Variants in GPCPD1 observed in about 807,000 individuals in gnomAD.
GPCPD1 encodes glycerophosphocholine phosphodiesterase 1.
A neutral mutation model predicts 89.2 loss-of-function variants in GPCPD1; 29 were observed. That is an observed-to-expected ratio of 0.33 (90% CI 0.24 to 0.44). The LOEUF is 0.44. Among genes scored for constraint, GPCPD1 ranks in the 20% least tolerant of loss-of-function variants. GPCPD1 has a pLI of 1.00. For synonymous variants in GPCPD1, 258 were observed against 266.3 expected, an observed-to-expected ratio of 0.97 and a Z score of 0.30; for missense variants, 594 against 808.9, an observed-to-expected ratio of 0.73 and a Z score of 3.22.
intron 19 of GPCPD1, among the ~76,000 whole-genome samples, chr20:5,548,659 A>T (rs143379202): frequency 6.6e-6 from 1 of 152,336 alleles, no homozygotes; most frequent in African/African-American, 2.4e-5. Context: ...TTTTCAATAA[A>T]ATCCGTAAGT....
intron 6 of GPCPD1, among the ~76,000 whole-genome samples, chr20:5,582,200 A>AC (rs2122702195): frequency 7.2e-6 from 1 of 139,634 alleles, no homozygotes; most frequent in East Asian, 2.0e-4. Flanking sequence ...AAAAAAAAAA[A>AC]AAAAAAAAAA....
chr20:5,585,378 A>C (rs1978840998), intron 5 of GPCPD1: 1 of 152,110 alleles, frequency 6.6e-6, no homozygotes. Context: ...TCTAATTTAA[A>C]CCAGAAAACT....
At position 5,557,942 on chromosome 20, in the gene GPCPD1, T is replaced by TTAG; in HGVS notation, c.1829+2_1829+3insCTA. ...ATGAAAATTTTTCATGAAAAACAAA[T>TTAG]ACCTATCATAAATTAGACCATTAAC... On this transcript the variant is annotated splice_region_variant and intron_variant, in intron 19 of 19. Transcript: ENST00000379019. The TTAG allele has an allele frequency of 2.0e-6, 3 of 1,504,804 alleles. No homozygotes were observed. Among genetic ancestry groups the TTAG allele is most frequent in the Non-Finnish European group, 2.7e-6 (3 of 1,097,266 alleles). 93.2% of individuals were successfully genotyped at this position (1,504,804 alleles called of 1,614,324 possible).
At chr20:5,589,007 A>C (rs1320350779) in intron 4 of GPCPD1, among the ~76,000 whole-genome samples, 1 of 152,208 alleles carries the variant, frequency 6.6e-6, no homozygotes, top group Non-Finnish European at 1.5e-5. Context: ...CTTTGGATTA[A>C]ATTTGATAGG....
Position 5,598,637 on chromosome 20 carries a change from A to G in GPCPD1, c.146+88T>C, listed in dbSNP as rs572624129. 5.4e-5 allele frequency: 40 copies of G among 742,568 alleles called. No homozygotes were observed. In the East Asian group the frequency reaches 1.1e-3, roughly 20 times the overall value. The allele number at this position is 742,568 out of a possible 1,614,324, so 46.0% of individuals were successfully genotyped here. A position where few individuals can be genotyped will look rare whatever the true frequency, so the allele number is the denominator to read the frequency against. On this transcript the variant is annotated intron_variant, in intron 3 of 19. Transcript: ENST00000379019. Reference sequence around the variant, plus strand: ...TAATGTTGATAAAAATTATAACTAAAAGAAAAAATACCAAGATATCTTAAA... The same window carrying G: ...TAATGTTGATAAAAATTATAACTAAGAGAAAAAATACCAAGATATCTTAAA...
chr20:5,549,136 A>AGG (rs1985218393), intron 19 of GPCPD1: 4 of 648,234 alleles, frequency 6.2e-6, no homozygotes, highest in Admixed American at 1.9e-5. Context: ...CCATGTGGGA[A>AGG]GATGAGAAAA....
At position 5,579,169 on chromosome 20, in the gene GPCPD1, G is replaced by A. The variant is rs568105571; in HGVS notation, c.474-558C>T. Among the ~76,000 whole-genome samples the A allele has an allele frequency of 2.4e-4, 37 of 151,916 alleles. 1 individual carries two copies. The highest frequency in any genetic ancestry group is 6.3e-4 in the African/African-American group (26 of 41,462). On this transcript the variant is annotated intron_variant, in intron 7 of 19. Transcript: ENST00000379019. ...CACTGTACTCCAACCTGGGTGACAC[G>A]GCCAGACCCTCTCTCAAAAGAAAAA...
chr20:5,574,036 C>G, intron 10 of GPCPD1, 67 bp from the exon 11 acceptor site: 1 of 891,260 alleles, frequency 1.1e-6, no homozygotes, highest in East Asian at 2.4e-5. Flanking sequence ...AATAAAGAAG[C>G]AAAGTGTACT....
chr20:5,557,839 T>C, intron 19 of GPCPD1, 106 bp downstream of exon 19: 1 of 638,398 alleles, frequency 1.6e-6, no homozygotes. Context: ...AACCTCAGGC[T>C]GAACTGCAGA....
At chr20:5,581,233 C>A (rs1978458996) in intron 6 of GPCPD1, among the ~76,000 whole-genome samples, 1 of 152,096 alleles carries the variant, frequency 6.6e-6, no homozygotes, top group Admixed American at 6.5e-5. Context: ...CTCTTCTCCC[C>A]AAAGCAAATA....
chr20:5,561,567 G>A (rs754690674), intron 15 of GPCPD1, 37 bp from the exon 16 acceptor site: 1 of 1,044,856 alleles, frequency 9.6e-7, no homozygotes. Flanking sequence ...TGTTTTTGAT[G>A]AGATGGATAG....
At chr20:5,549,494 T>C in intron 19 of GPCPD1, 1 of 1,170,498 alleles carries the variant, frequency 8.5e-7, no homozygotes, top group Non-Finnish European at 1.3e-6. Context: ...AGACACCTTC[T>C]GAGTATTCTT....
At chr20:5,553,854 C>T (rs1286485244) in intron 19 of GPCPD1, among the ~76,000 whole-genome samples, 2 of 152,178 alleles carry the variant, frequency 1.3e-5, no homozygotes, top group African/African-American at 2.4e-5. Flanking sequence ...GAAGCTGTCT[C>T]CATAACGTAA....
At chr20:5,585,092 AAGAT>A (rs1266447530) in intron 5 of GPCPD1, 1 of 152,200 alleles carries the variant, frequency 6.6e-6, no homozygotes, top group Non-Finnish European at 1.5e-5. Context: ...TCCTTTCTAA[AAGAT>A]AGAAACAAAA....
At chr20:5,588,049 A>T (rs973508925) in intron 4 of GPCPD1, among the ~76,000 whole-genome samples, 8 of 152,358 alleles carry the variant, frequency 5.3e-5, no homozygotes, top group East Asian at 1.9e-4. Flanking sequence ...TAGATTTTTT[A>T]AAAATGTAAT....
chr20:5,553,901 C>G, intron 19 of GPCPD1, among the ~76,000 whole-genome samples: 1 of 145,252 alleles, frequency 6.9e-6, no homozygotes, highest in East Asian at 2.2e-4. Context: ...GATGGAGAAG[C>G]TGCAGTTAAG....
chr20:5,573,844 A>C (rs1232304467), intron 11 of GPCPD1, 71 bp downstream of exon 11: 1 of 848,112 alleles, frequency 1.2e-6, no homozygotes, highest in East Asian at 2.4e-5. Context: ...ACTATTAATA[A>C]AAACTGGAGG....
At chr20:5,555,828 A>G (rs757734370) in intron 19 of GPCPD1, among the ~76,000 whole-genome samples, 1 of 152,224 alleles carries the variant, frequency 6.6e-6, no homozygotes, top group Non-Finnish European at 1.5e-5. Flanking sequence ...CACTCCAGCC[A>G]GGGTATTAAG....
chr20:5,559,995 T>C lies in GPCPD1; in HGVS notation c.1477A>G (p.Asn493Asp), dbSNP rs367864406. 1 of 1,573,968 alleles carries C rather than the reference T, an allele frequency of 6.4e-7. No individual in the cohort carries two copies. The highest frequency in any genetic ancestry group is 1.4e-5 in the African/African-American group (1 of 73,318). ...LDIILKTVLE[N>D]SGKRRIVFSS... is the part of the protein sequence containing the mutation. ...AACACTATTCTCCTCTTCCCAGAAT[T>C]TTCTAAAACAGTTTTTAAAATTATA... Residue 493 changes from asparagine to aspartate, a missense_variant, in exon 17 of 20, where the codon AAT (asparagine) becomes GAT (aspartate). Asn to Asp is a conservative substitution (Grantham distance 23). Coordinates refer to ENST00000379019, the MANE Select transcript of GPCPD1 (RefSeq NM_019593.5).
Sources: gnomAD v4.1 joint callset for allele counts (sites outside exome capture counted in the v4.1 genomes callset) on GRCh38, gnomAD v4.1.1 for gene constraint, MANE v1.5 for transcripts, NCBI Gene and HGNC (gene_info 2026-07-23, HGNC 2026-07-21) for gene names.